The following IRS2 variants were observed in gnomAD, a reference collection of about 807,000 sequenced individuals.
IRS2 encodes insulin receptor substrate 2.
IRS2 carries 28 observed loss-of-function variants against 70.9 expected under a neutral mutation model. The ratio of observed to expected loss-of-function variants is 0.39; its 90% CI spans 0.29 to 0.54. The LOEUF is 0.54. IRS2 is among the 20% of genes least tolerant of loss of function. The pLI is 0.59. For missense variants in IRS2, 2,081 were observed against 2,024.1 expected (o/e 1.03, Z -0.54); for synonymous variants, 1,217 against 981.9 (o/e 1.24, Z -4.48).
At chr13:109,773,845 T>C (rs926855923) in intron 1 of IRS2, among the ~76,000 whole-genome samples, 3 of 152,258 alleles carry the variant, frequency 2.0e-5, no homozygotes, top group East Asian at 1.9e-4. Context: ...CTAAAGAGCA[T>C]AGGCTGTATC....
Position 109,776,133 on chromosome 13 carries a change from AGT to A in IRS2, c.4012+5907_4012+5908del, listed in dbSNP as rs1347373550. On this transcript the variant is annotated intron_variant, in intron 1 of 1. Coordinates refer to ENST00000375856, the MANE Select transcript of IRS2 (RefSeq NM_003749.3). The stretch of plus-strand genomic sequence containing the variant: ...CACTGCACTCCAGACTGAGTGATAG[AGT>A]GAGACTCCGTCTCAAAAAAAAAAAA... 7.4e-5 allele frequency among the ~76,000 whole-genome samples: 11 copies of A among 148,242 alleles called. No homozygotes were observed. In the Admixed American group the frequency reaches 7.5e-4, roughly 10 times the overall value.
chr13:109,775,935 G>C (rs1877565859), intron 1 of IRS2, among the ~76,000 whole-genome samples: 1 of 152,128 alleles, frequency 6.6e-6, no homozygotes, highest in Non-Finnish European at 1.5e-5. Context: ...AGATCACGGG[G>C]TCAGGAGATC....
intron 1 of IRS2, among the ~76,000 whole-genome samples, chr13:109,764,096 CTACT>C (rs1877284567): frequency 6.6e-6 from 1 of 152,180 alleles, no homozygotes; most frequent in Non-Finnish European, 1.5e-5. Context: ...GGGTCAAATC[CTACT>C]TAGTCACTGA....
At position 109,755,031 on chromosome 13, in the gene IRS2, G is replaced by A. The variant is rs1877071867; in HGVS notation, c.*1273C>T. 8.8e-6 allele frequency: 2 copies of A among 227,442 alleles called. No individual in the cohort carries two copies. The highest frequency in any genetic ancestry group is 1.7e-5 in the Non-Finnish European group (2 of 114,454). 14.1% of individuals were successfully genotyped at this position (227,442 alleles called of 1,614,324 possible). On this transcript the variant is annotated 3_prime_UTR_variant, in exon 2 of 2. Transcript: ENST00000375856. ...TGCCGGTCAAGTTCAGCAGTTTTAG[G>A]TAACATCTGCGAGAACTGCCACACA...
intron 1 of IRS2, among the ~76,000 whole-genome samples, chr13:109,769,186 A>T (rs1330320431): frequency 6.6e-6 from 1 of 152,198 alleles, no homozygotes; most frequent in African/African-American, 2.4e-5. Context: ...GAGTTGACGT[A>T]TACTCTACCA....
Position 109,783,331 on chromosome 13 carries a change from G to A in IRS2, c.2723C>T (p.Pro908Leu). 2 of 1,558,400 alleles carry A rather than the reference G, an allele frequency of 1.3e-6. No individual in the cohort carries two copies. The highest frequency in any genetic ancestry group is 1.7e-6 in the Non-Finnish European group (2 of 1,161,490). The change falls in exon 1 of 2, where the codon CCA (proline) becomes CTA (leucine). Residue 908 changes from proline (P) to leucine (L), a missense_variant. Coordinates refer to ENST00000375856, the MANE Select transcript of IRS2 (RefSeq NM_003749.3). ...GGGGCTCTTGGGCTCCGGTGGCAGTGGGTACTCGTGCATGCTGGGCAGGCT... is the reference window on the plus strand; with the variant it reads ...GGGGCTCTTGGGCTCCGGTGGCAGTAGGTACTCGTGCATGCTGGGCAGGCT... ...LPSLPSMHEYPLPPEPKSPGE... is the reference protein window; with the variant it reads ...LPSLPSMHEYLLPPEPKSPGE...
Position 109,772,559 on chromosome 13 carries a change from C to T in IRS2, c.4012+9483G>A, listed in dbSNP as rs146827546. On this transcript the variant is annotated intron_variant, in intron 1 of 1. Coordinates refer to ENST00000375856, the MANE Select transcript of IRS2 (RefSeq NM_003749.3). ...ATCTCACCTGCTGTTTGGTGGGTCA[C>T]GGCGCTCACCGTTGGGGGTGCTGGC... Among the ~76,000 whole-genome samples the T allele has an allele frequency of 2.2e-3, 335 of 152,202 alleles. 2 individuals are homozygous for T. Among genetic ancestry groups the T allele is most frequent in the African/African-American group, 7.7e-3 (318 of 41,562 alleles).
chr13:109,773,685 TTC>T (rs973219346), intron 1 of IRS2, among the ~76,000 whole-genome samples: 3 of 152,264 alleles, frequency 2.0e-5, no homozygotes, highest in African/African-American at 7.2e-5. Context: ...ACAGCCATAT[TTC>T]TCTGATTTAT....
In IRS2 at chr13:109,782,432, G is replaced by T. The variant is rs1331868029; in HGVS notation, c.3622C>A (p.Gln1208Lys). The T allele has an allele frequency of 8.2e-6, 13 of 1,590,732 alleles. No homozygotes were observed. The highest frequency in any genetic ancestry group is 1.0e-5 in the Non-Finnish European group (12 of 1,168,438). ...TGCGGTGCCAAAGGGGGCGCCGGCT[G>T]CAACTGTCGTGGGGAGGTGGGCGGC... ...DEPPTSPRQL[Q>K]PAPPLAPQGR... The change falls in exon 1 of 2, where the codon CAG becomes AAG. Residue 1208 changes from glutamine (Q) to lysine (K), a missense_variant. This residue lies in a region of IRS2 where 1,615 missense variants were observed against 1,459.5 expected (regional missense o/e 1.11). Coordinates refer to ENST00000375856, the MANE Select transcript of IRS2 (RefSeq NM_003749.3).
chr13:109,756,341 C>A (rs753250635), intron 1 of IRS2, 33 bp from the exon 2 acceptor site: 1 of 1,608,512 alleles, frequency 6.2e-7, no homozygotes, highest in Non-Finnish European at 8.5e-7. Context: ...TAGCAGAGAC[C>A]CTCAGGAGAA....
rs2138906648 is a variant in IRS2 at position 109,754,267 on chromosome 13, T to C, written c.*2037A>G. 2 of 229,498 alleles carry C rather than the reference T, an allele frequency of 8.7e-6. No individual in the cohort carries two copies. The highest frequency in any genetic ancestry group is 1.3e-4 in the East Asian group (2 of 15,936). The allele number at this position is 229,498 out of a possible 1,614,324, so 14.2% of individuals were successfully genotyped here. A position where few individuals can be genotyped will look rare whatever the true frequency, so the allele number is the denominator to read the frequency against. ...AAAAATGTAAATATTGCATATGCCT[T>C]TTTGTGAAATGTACAGGATAGAGGA... is the stretch of plus-strand genomic sequence containing the variant. On this transcript the variant is annotated 3_prime_UTR_variant, in exon 2 of 2. Coordinates refer to ENST00000375856, the MANE Select transcript of IRS2 (RefSeq NM_003749.3).
chr13:109,756,004 G>T lies in IRS2; in HGVS notation c.*300C>A. 2.2e-6 allele frequency: 1 copy of T among 456,294 alleles called. No homozygotes were observed. The highest frequency in any genetic ancestry group is 3.5e-5 in the Admixed American group (1 of 28,184). The allele number at this position is 456,294 out of a possible 1,614,324, so 28.3% of individuals were successfully genotyped here. A position where few individuals can be genotyped will look rare whatever the true frequency, so the allele number is the denominator to read the frequency against. ...AAGACACTGGCCACAATTTAAGAAG[G>T]CCAATGAAAACATCCAATTTTCTTG... On this transcript the variant is annotated 3_prime_UTR_variant, in exon 2 of 2. Transcript: ENST00000375856.
intron 1 of IRS2, among the ~76,000 whole-genome samples, chr13:109,764,016 CTAATT>C (rs752232139): frequency 6.6e-6 from 1 of 152,202 alleles, no homozygotes; most frequent in Non-Finnish European, 1.5e-5. Context: ...ATCCATCTAT[CTAATT>C]TAAAAGCCTC....
intron 1 of IRS2, among the ~76,000 whole-genome samples, chr13:109,767,468 G>GT (rs1877360613): frequency 6.6e-6 from 1 of 152,164 alleles, no homozygotes; most frequent in South Asian, 2.1e-4. Flanking sequence ...AAGTTGGACT[G>GT]TGTGGTGATT....
rs1237115404 is a variant in IRS2, at chr13:109,785,412, C to T, written c.642G>A (p.Thr214=). 13 of 1,612,338 alleles carry T rather than the reference C, an allele frequency of 8.1e-6. No individual in the cohort carries two copies. The highest frequency in any genetic ancestry group is 1.1e-5 in the Non-Finnish European group (13 of 1,179,908). ...CAGACAGGCACAGACGGTACACCCCCGTCAGGTTCTTGCTCTGGCCCAGAC... is the reference window on the plus strand; with the variant it reads ...CAGACAGGCACAGACGGTACACCCCTGTCAGGTTCTTGCTCTGGCCCAGAC... ...PKGLGQSKNL[T]GVYRLCLSAR... is the part of the protein sequence containing the mutation. Residue 214 remains threonine, a synonymous_variant, in exon 1 of 2, where the codon ACG becomes ACA. Coordinates refer to ENST00000375856, the MANE Select transcript of IRS2 (RefSeq NM_003749.3). This position sits in a 1 kb window ranked among gnomAD's most constrained non-coding sequence, Gnocchi z 9.3.
At position 109,783,851 on chromosome 13, in the gene IRS2, T is replaced by C. The variant is rs1054629318; in HGVS notation, c.2203A>G (p.Ser735Gly). ...ATGTACCCACTGTCCTCGGGGGAGC[T>C]CTCGGCGGGCGAGCTGGCCTTGTAG... is the stretch of plus-strand genomic sequence containing the variant. ...GGYKASSPAESSPEDSGYMRM... is the reference protein window; with the variant it reads ...GGYKASSPAEGSPEDSGYMRM... The change falls in exon 1 of 2, where the codon AGC becomes GGC. Residue 735 changes from serine (S) to glycine (G), a missense_variant. By Grantham distance (56) the Ser-to-Gly change is moderately conservative (BLOSUM62 0). Coordinates refer to ENST00000375856, the MANE Select transcript of IRS2 (RefSeq NM_003749.3). 2.9e-5 allele frequency: 46 copies of C among 1,562,558 alleles called. No individual in the cohort carries two copies. Among genetic ancestry groups the C allele is most frequent in the Non-Finnish European group, 3.9e-5 (45 of 1,153,980 alleles).
intron 1 of IRS2, among the ~76,000 whole-genome samples, chr13:109,764,595 C>A (rs1207113004): frequency 6.6e-6 from 1 of 152,176 alleles, no homozygotes; most frequent in African/African-American, 2.4e-5. Context: ...ATACATGTAA[C>A]CACATGCTGT....
chr13:109,774,987 T>A (rs1400826687), intron 1 of IRS2, among the ~76,000 whole-genome samples: 1 of 152,162 alleles, frequency 6.6e-6, no homozygotes, highest in African/African-American at 2.4e-5. Context: ...AGTTGTGGGA[T>A]TATCTGTTAC....
Position 109,782,332 on chromosome 13 carries a change from C to A in IRS2, c.3722G>T (p.Arg1241Ile), listed in dbSNP as rs1356073076. The A allele has an allele frequency of 6.2e-7, 1 of 1,611,674 alleles. No homozygotes were observed. The highest frequency in any genetic ancestry group is 1.3e-5 in the African/African-American group (1 of 74,932). Reference protein sequence around the residue: ...CPGSGGSPMRRETSAGFQNGL... With the variant: ...CPGSGGSPMRIETSAGFQNGL... The stretch of plus-strand genomic sequence containing the variant: ...ATTCTGGAAGCCGGCAGAGGTCTCT[C>A]TGCGCATGGGCGATCCACCGCTCCC... Residue 1241 changes from arginine (R) to isoleucine (I), a missense_variant, in exon 1 of 2, where the codon AGA becomes ATA. By Grantham distance (97) the Arg-to-Ile change is moderately conservative. Transcript: ENST00000375856.
Sources: allele counts gnomAD v4.1 joint callset (sites outside exome capture counted in the v4.1 genomes callset), GRCh38; gene constraint gnomAD v4.1.1; regional missense constraint gnomAD v4.1.1; non-coding constraint Gnocchi (gnomAD v3.1); transcripts MANE v1.5; gene names NCBI Gene and HGNC (gene_info 2026-07-23, HGNC 2026-07-21).